Variants in TENM3 observed in about 807,000 individuals in gnomAD.
The protein encoded by TENM3 is teneurin transmembrane protein 3, also known as teneurin-3.
TENM3 carries 63 observed loss-of-function variants against 255.1 expected under a neutral mutation model. The observed-to-expected ratio is 0.25, with a 90% CI of 0.20 to 0.30. TENM3 has a LOEUF of 0.30. TENM3 is among the 10% of genes least tolerant of loss of function. TENM3 has a pLI of 1.00. For synonymous variants in TENM3, 1,306 were observed against 1,322.3 expected (o/e 0.99, Z 0.27); for missense variants, 2,929 against 3,461.1 (o/e 0.85, Z 3.86).
the TENM3 span, among the ~76,000 whole-genome samples, chr4:181,862,661 T>A: frequency 1.3e-5 from 2 of 152,232 alleles, no homozygotes; most frequent in Admixed American, 6.5e-5. Flanking sequence ...GTTTTCTCAA[T>A]AAAAAATGGA....
intron 3 of TENM3, among the ~76,000 whole-genome samples, chr4:182,473,475 C>T (rs910428759): frequency 1.3e-5 from 2 of 152,138 alleles, no homozygotes; most frequent in East Asian, 1.9e-4. Flanking sequence ...AGATCGAGAC[C>T]ATGCTGGCTA....
intron 3 of TENM3, among the ~76,000 whole-genome samples, chr4:182,564,463 C>G (rs1743554303): frequency 6.6e-6 from 1 of 152,144 alleles, no homozygotes; most frequent in Non-Finnish European, 1.5e-5. Flanking sequence ...CAGTGACAAC[C>G]TTTCAACAAA....
the TENM3 span, among the ~76,000 whole-genome samples, chr4:181,508,894 T>TC: frequency 1.1e-5 from 1 of 87,604 alleles, no homozygotes; most frequent in Non-Finnish European, 3.0e-5. Context: ...TTCCAACACT[T>TC]TTTTTTTTTT....
intron 3 of TENM3, among the ~76,000 whole-genome samples, chr4:182,596,380 C>T (rs1319966739): frequency 1.3e-5 from 2 of 152,116 alleles, no homozygotes; most frequent in Non-Finnish European, 2.9e-5. Flanking sequence ...CCGTAGGGAG[C>T]TGAGCAGGGG....
the TENM3 span, among the ~76,000 whole-genome samples, chr4:181,574,196 T>G: frequency 3.3e-5 from 5 of 152,182 alleles, no homozygotes; most frequent in Non-Finnish European, 7.4e-5. Flanking sequence ...TCACTTGAGG[T>G]CTTGGCTATC....
At chr4:182,123,565 C>T in the TENM3 span, among the ~76,000 whole-genome samples, 149 of 152,230 alleles carry the variant, frequency 9.8e-4, no homozygotes, top group South Asian at 0.015. Context: ...GTGGAGTAAT[C>T]AGAACACACA....
At chr4:182,008,916 T>G in the TENM3 span, among the ~76,000 whole-genome samples, 2 of 152,238 alleles carry the variant, frequency 1.3e-5, no homozygotes, top group Non-Finnish European at 2.9e-5. Context: ...GTGGGGACTT[T>G]TTGTTTTTGT....
At chr4:181,945,713 C>T in the TENM3 span, among the ~76,000 whole-genome samples, 2 of 151,954 alleles carry the variant, frequency 1.3e-5, no homozygotes, top group African/African-American at 4.8e-5. Flanking sequence ...TTTTATATTT[C>T]GTTAATTATC....
At chr4:182,208,841 C>A (rs1422000831) in intron 1 of TENM3, among the ~76,000 whole-genome samples, 2 of 152,182 alleles carry the variant, frequency 1.3e-5, no homozygotes, top group African/African-American at 4.8e-5. Context: ...CCTGTGCTTG[C>A]CTCTGTTGCA....
intron 3 of TENM3, among the ~76,000 whole-genome samples, chr4:182,519,640 A>G (rs1217785188): frequency 1.3e-5 from 2 of 152,204 alleles, no homozygotes; most frequent in Non-Finnish European, 2.9e-5. Flanking sequence ...TTTGCTTCCA[A>G]GACCTGTGCT....
chr4:182,675,585 C>G (rs1458185381), intron 7 of TENM3, among the ~76,000 whole-genome samples: 2 of 151,680 alleles, frequency 1.3e-5, no homozygotes, highest in East Asian at 3.9e-4. Flanking sequence ...TGGAAGTCCT[C>G]TATAACTTCA....
chr4:182,645,601 A>G lies in TENM3; in HGVS notation c.989-8170A>G, dbSNP rs151132340. On this transcript the variant is annotated intron_variant, in intron 5 of 27. Coordinates refer to ENST00000511685, the MANE Select transcript of TENM3 (RefSeq NM_001080477.4). ...GTAAGGTTAAGTTTACAGTCAAACT[A>G]CAGACTGGGGCTGCTGTTTCATCTG... Among the ~76,000 whole-genome samples, 773 of 152,286 alleles carry G rather than the reference A, an allele frequency of 5.1e-3. 6 individuals carry two copies. The highest frequency in any genetic ancestry group is 0.018 in the African/African-American group (739 of 41,562).
At chr4:182,475,240 T>C (rs375685372) in intron 3 of TENM3, among the ~76,000 whole-genome samples, 2 of 152,326 alleles carry the variant, frequency 1.3e-5, no homozygotes, top group East Asian at 1.9e-4. Flanking sequence ...GACTGTTAGA[T>C]GCCTATGCCT....
intron 13 of TENM3, among the ~76,000 whole-genome samples, chr4:182,716,294 AT>A (rs1759163415): frequency 6.6e-6 from 1 of 152,206 alleles, no homozygotes; most frequent in South Asian, 2.1e-4. Context: ...CTGCCGAGTA[AT>A]TTAGGGGCTA....
intron 3 of TENM3, among the ~76,000 whole-genome samples, chr4:182,480,195 A>G (rs1734059795): frequency 6.6e-6 from 1 of 152,026 alleles, no homozygotes; most frequent in South Asian, 2.1e-4. Flanking sequence ...AGATTCACTT[A>G]TTTTGGTCAT....
At chr4:182,168,934 A>G (rs890078788) in intron 1 of TENM3, among the ~76,000 whole-genome samples, 4 of 152,068 alleles carry the variant, frequency 2.6e-5, no homozygotes, top group African/African-American at 9.7e-5. Context: ...TATTTGCCCA[A>G]TTTTTTAGAA....
At chr4:181,985,215 G>C in the TENM3 span, among the ~76,000 whole-genome samples, 2 of 138,738 alleles carry the variant, frequency 1.4e-5, no homozygotes, top group Admixed American at 7.3e-5. Flanking sequence ...ACTCATAAAA[G>C]AAAAAAAAAA....
chr4:182,669,363 A>G (rs373926493), intron 6 of TENM3, among the ~76,000 whole-genome samples: 7 of 152,092 alleles, frequency 4.6e-5, no homozygotes, highest in South Asian at 2.1e-4. Context: ...TCCGCCTCCC[A>G]GGTTCACGCC....
At chr4:182,037,150 A>ATTTTTTTTTTTTTTTTTTTTTTTT in the TENM3 span, among the ~76,000 whole-genome samples, 5 of 144,730 alleles carry the variant, frequency 3.5e-5, no homozygotes, top group African/African-American at 1.3e-4. Context: ...AACTCCTTTT[A>ATTTTTTTTTTTTTTTTTTTTTTTT]TTTTTTTTTT....
Sources: gnomAD v4.1 joint callset for allele counts (sites outside exome capture counted in the v4.1 genomes callset) on GRCh38, gnomAD v4.1.1 for gene constraint, MANE v1.5 for transcripts, NCBI Gene and HGNC (gene_info 2026-07-23, HGNC 2026-07-21) for gene names.